The following UST variants were observed in gnomAD, a reference collection of about 807,000 sequenced individuals.
UST encodes uronyl 2-sulfotransferase, also known as chondroitin sulfate 2-O-sulfotransferase.
Under a neutral mutation model 45.6 loss-of-function variants are expected in UST, and 21 were observed. That is an observed-to-expected ratio of 0.46 (90% CI 0.33 to 0.66). The LOEUF (loss-of-function observed/expected upper bound fraction) is 0.66. Ranked by LOEUF, UST falls within the 30% of genes least tolerant of loss-of-function variation. The pLI is 0.02. For missense variants in UST, 463 were observed against 512.4 expected, an observed-to-expected ratio of 0.90 and a Z score of 0.93; for synonymous variants, 215 against 200.6, an observed-to-expected ratio of 1.07 and a Z score of -0.61.
At chr6:148,841,045 A>AG (rs925517334) in intron 1 of UST, among the ~76,000 whole-genome samples, 1 of 7,728 alleles carries the variant, frequency 1.3e-4, no homozygotes, top group African/African-American at 9.4e-4. Flanking sequence ...TTTTGAAATG[A>AG]AAAAAAAAAA....
intron 1 of UST, among the ~76,000 whole-genome samples, chr6:148,795,919 G>A (rs1434816523): frequency 6.6e-6 from 1 of 152,132 alleles, no homozygotes; most frequent in African/African-American, 2.4e-5. Flanking sequence ...AGAACAAAAG[G>A]TTGGCTTTTA....
chr6:148,840,014 A>C (rs1467349808), intron 1 of UST, among the ~76,000 whole-genome samples: 1 of 152,180 alleles, frequency 6.6e-6, no homozygotes, highest in Non-Finnish European at 1.5e-5. Context: ...TAGGTATTGA[A>C]GGGAATGTTG....
chr6:148,947,039 T>G (rs1452638261), intron 3 of UST, among the ~76,000 whole-genome samples: 1 of 151,228 alleles, frequency 6.6e-6, no homozygotes, highest in Non-Finnish European at 1.5e-5. Flanking sequence ...GAGGAATAAG[T>G]GTGTACAGGA....
At chr6:149,045,689 G>C (rs1261989896) in intron 7 of UST, among the ~76,000 whole-genome samples, 1 of 152,178 alleles carries the variant, frequency 6.6e-6, no homozygotes, top group Non-Finnish European at 1.5e-5. Context: ...TCCTGCAGTT[G>C]AAAGACTGAG....
chr6:148,973,346 T>G (rs1780956977), intron 5 of UST, among the ~76,000 whole-genome samples: 1 of 152,228 alleles, frequency 6.6e-6, no homozygotes, highest in South Asian at 2.1e-4. Context: ...GAATAAAATA[T>G]TTTAGCATCT....
At chr6:148,774,578 A>G (rs894739069) in intron 1 of UST, among the ~76,000 whole-genome samples, 1 of 152,200 alleles carries the variant, frequency 6.6e-6, no homozygotes, top group South Asian at 2.1e-4. Context: ...TAGAACAGAG[A>G]GATCAATACA....
At chr6:148,869,730 AGTTTATTTGAAACATCCG>A (rs533316573) in intron 1 of UST, among the ~76,000 whole-genome samples, 31 of 152,330 alleles carry the variant, frequency 2.0e-4, no homozygotes, top group Admixed American at 1.8e-3. Flanking sequence ...ATTTTAATGC[AGTTTATTTGAAACATCCG>A]GTAGAATGTT....
chr6:148,989,215 C>A (rs1025273649), intron 5 of UST, among the ~76,000 whole-genome samples: 2 of 88,228 alleles, frequency 2.3e-5, no homozygotes, highest in Non-Finnish European at 5.2e-5. Flanking sequence ...AAAGGCCCCC[C>A]CCCACCCCCC....
At chr6:148,760,777 T>C (rs1297681337) in intron 1 of UST, among the ~76,000 whole-genome samples, 1 of 151,224 alleles carries the variant, frequency 6.6e-6, no homozygotes, top group Non-Finnish European at 1.5e-5. Flanking sequence ...ATAGAACTAA[T>C]ATGCAGGTCT....
intron 2 of UST, among the ~76,000 whole-genome samples, chr6:148,914,398 G>C (rs1268401163): frequency 6.6e-6 from 1 of 151,776 alleles, no homozygotes; most frequent in Admixed American, 6.6e-5. Flanking sequence ...CATAGATTGG[G>C]GGGTGGGTGG....
At chr6:148,889,123 G>C (rs575606869) in intron 2 of UST, among the ~76,000 whole-genome samples, 7 of 152,234 alleles carry the variant, frequency 4.6e-5, no homozygotes, top group African/African-American at 1.7e-4. Flanking sequence ...AGATTGCTGG[G>C]CCCAGGCCCC....
intron 1 of UST, among the ~76,000 whole-genome samples, chr6:148,844,680 A>T (rs1777950800): frequency 6.6e-6 from 1 of 151,138 alleles, no homozygotes; most frequent in Non-Finnish European, 1.5e-5. Context: ...TCCTGCTTTT[A>T]TTTTAGATAC....
At chr6:148,785,703 T>C (rs1158249583) in intron 1 of UST, among the ~76,000 whole-genome samples, 1 of 152,210 alleles carries the variant, frequency 6.6e-6, no homozygotes, top group Non-Finnish European at 1.5e-5. Flanking sequence ...TTGGATGAGA[T>C]TTCAAGATAT....
At chr6:148,941,084 C>T (rs1169148803) in intron 2 of UST, among the ~76,000 whole-genome samples, 195 bp from the exon 3 acceptor site, 3 of 152,192 alleles carry the variant, frequency 2.0e-5, no homozygotes, top group African/African-American at 7.2e-5. Context: ...ACCAACATTT[C>T]TCTTGTTATA....
chr6:148,815,118 A>T (rs1777331158), intron 1 of UST, among the ~76,000 whole-genome samples: 1 of 152,384 alleles, frequency 6.6e-6, no homozygotes, highest in Non-Finnish European at 1.5e-5. Flanking sequence ...ATATGGAATG[A>T]ACTCCAACAC....
chr6:148,993,378 G>GAAA (rs11295482), intron 5 of UST, among the ~76,000 whole-genome samples: 27 of 149,960 alleles, frequency 1.8e-4, no homozygotes, highest in African/African-American at 3.4e-4. Context: ...TACTCTTTTT[G>GAAA]AAAAAAAAAA....
chr6:148,813,732 C>G (rs1043155767), intron 1 of UST, among the ~76,000 whole-genome samples: 1 of 152,162 alleles, frequency 6.6e-6, no homozygotes, highest in Admixed American at 6.5e-5. Flanking sequence ...TAGAATGTGT[C>G]CTTCACCATT....
At chr6:148,909,385 G>C (rs888734841) in intron 2 of UST, among the ~76,000 whole-genome samples, 15 of 152,214 alleles carry the variant, frequency 9.9e-5, no homozygotes, top group African/African-American at 3.4e-4. Flanking sequence ...CTACCGCTCA[G>C]ATACGGTCAT....
At chr6:148,856,883 A>G (rs1778215061) in intron 1 of UST, among the ~76,000 whole-genome samples, 1 of 151,754 alleles carries the variant, frequency 6.6e-6, no homozygotes, top group Non-Finnish European at 1.5e-5. Flanking sequence ...ATCAGAGATA[A>G]CATTTTAGAA....
Sources: gnomAD v4.1 joint callset for allele counts (sites outside exome capture counted in the v4.1 genomes callset) on GRCh38, gnomAD v4.1.1 for gene constraint, MANE v1.5 for transcripts, NCBI Gene and HGNC (gene_info 2026-07-23, HGNC 2026-07-21) for gene names.